DSTYK: variants seen among roughly 807,000 people sequenced by gnomAD.
DSTYK encodes the protein RIP-homologous kinase.
A neutral mutation model predicts 98.7 loss-of-function variants in DSTYK; 34 were observed. That is an observed-to-expected ratio of 0.34 (90% CI 0.26 to 0.46). The LOEUF is 0.46. Ranked by LOEUF, DSTYK falls within the 20% of genes least tolerant of loss-of-function variation. The pLI, the probability that DSTYK is intolerant of heterozygous loss-of-function variation, is 1.00. For synonymous variants in DSTYK, 462 were observed against 457.3 expected (o/e 1.01, Z -0.13); for missense variants, 962 against 1,181.7 (o/e 0.81, Z 2.73).
rs1265146439 is a variant in DSTYK at position 205,150,475 on chromosome 1, G to T, written c.2467+205C>A. ...TAACCGAGAGAGATGTCCAAATGGT[G>T]ATTCCCATTTGTACTTTTTCTTTCT... On this transcript the variant is annotated intron_variant, in intron 11 of 12. Transcript: ENST00000367162. This position sits in a 1 kb window ranked among gnomAD's most constrained non-coding sequence, Gnocchi z 4.1. Among the ~76,000 whole-genome samples, 3 of 152,112 alleles carry T rather than the reference G, an allele frequency of 2.0e-5. No individual in the cohort carries two copies. The highest frequency in any genetic ancestry group is 7.2e-5 in the African/African-American group (3 of 41,418).
At chr1:205,179,636 A>AG (rs1658337940) in intron 2 of DSTYK, among the ~76,000 whole-genome samples, 1 of 151,700 alleles carries the variant, frequency 6.6e-6, no homozygotes. Context: ...AAAAAAAAAA[A>AG]AGATAGACTA....
chr1:205,169,048 A>G lies in DSTYK; in HGVS notation c.1324+115T>C, dbSNP rs1657971772. ...GCTCCTGCTGGTAACAGTGGGGTGG[A>G]TGAAGTTACCCTGAGATTCCTTTAA... On this transcript the variant is annotated intron_variant, in intron 3 of 12. Coordinates refer to ENST00000367162, the MANE Select transcript of DSTYK (RefSeq NM_015375.3). The surrounding 1 kb of genome is among the most constrained non-coding windows in gnomAD (Gnocchi z 4.0). 2.2e-6 allele frequency: 2 copies of G among 922,760 alleles called. No homozygotes were observed. The highest frequency in any genetic ancestry group is 5.5e-5 in the Admixed American group (2 of 36,684). The allele number at this position is 922,760 out of a possible 1,614,324, so 57.2% of individuals were successfully genotyped here. A position where few individuals can be genotyped will look rare whatever the true frequency, so the allele number is the denominator to read the frequency against.
At chr1:205,195,792 C>T (rs1353389442) in intron 1 of DSTYK, among the ~76,000 whole-genome samples, 2 of 152,186 alleles carry the variant, frequency 1.3e-5, no homozygotes, top group African/African-American at 2.4e-5. Flanking sequence ...GCTGATACTC[C>T]CTGGGAGCCA....
At chr1:205,152,625 C>T (rs1657438487) in intron 10 of DSTYK, among the ~76,000 whole-genome samples, 1 of 152,066 alleles carries the variant, frequency 6.6e-6, no homozygotes, top group African/African-American at 2.4e-5. Flanking sequence ...TATCCCTTAT[C>T]TGAAAGGCTT....
chr1:205,162,381 G>A (rs1657754209), intron 5 of DSTYK, among the ~76,000 whole-genome samples, 169 bp from the exon 6 acceptor site: 1 of 152,160 alleles, frequency 6.6e-6, no homozygotes, highest in Non-Finnish European at 1.5e-5. Context: ...ACAAAATCAG[G>A]TCCTAGCCCA....
At chr1:205,157,497 G>C (rs1001629481) in intron 9 of DSTYK, 111 bp from the exon 10 acceptor site, 66 of 813,924 alleles carry the variant, frequency 8.1e-5, no homozygotes, top group Non-Finnish European at 1.2e-4. Flanking sequence ...GGGAAGAGCC[G>C]GGCACAGTGG....
chr1:205,188,787 C>T (rs888620213), intron 1 of DSTYK, among the ~76,000 whole-genome samples: 48 of 152,286 alleles, frequency 3.2e-4, no homozygotes, highest in African/African-American at 1.1e-3. Flanking sequence ...CTGGTGACAA[C>T]GTCCCAGCTG....
At chr1:205,192,363 C>T (rs1426317284) in intron 1 of DSTYK, among the ~76,000 whole-genome samples, 1 of 151,882 alleles carries the variant, frequency 6.6e-6, no homozygotes, top group African/African-American at 2.4e-5. Context: ...GAGCAACCCC[C>T]GCCGTGCCTT....
At chr1:205,151,020 C>A (rs1464370886) in intron 10 of DSTYK, among the ~76,000 whole-genome samples, 4 of 152,180 alleles carry the variant, frequency 2.6e-5, no homozygotes, top group Non-Finnish European at 1.5e-5. Flanking sequence ...TGCTACTAGG[C>A]TACAAACCTG....
chr1:205,183,080 G>GCACACACACACA (rs35209324), intron 2 of DSTYK, among the ~76,000 whole-genome samples: 14 of 88,794 alleles, frequency 1.6e-4, no homozygotes, highest in African/African-American at 4.3e-4. Flanking sequence ...AAAAAAAAAA[G>GCACACACACACA]CACACACACA....
intron 3 of DSTYK, among the ~76,000 whole-genome samples, chr1:205,168,795 T>G (rs1198113789): frequency 6.6e-6 from 1 of 152,204 alleles, no homozygotes; most frequent in African/African-American, 2.4e-5. Flanking sequence ...TAAAGAGGCA[T>G]GAGCCATACT....
At chr1:205,161,164 C>T (rs1267965164) in intron 7 of DSTYK, 94 bp downstream of exon 7, 1 of 1,482,712 alleles carries the variant, frequency 6.7e-7, no homozygotes. Flanking sequence ...TGCAAAGAAG[C>T]AGCTTTAGAC....
intron 2 of DSTYK, among the ~76,000 whole-genome samples, chr1:205,175,634 C>T (rs1471694425): frequency 6.6e-6 from 1 of 152,048 alleles, no homozygotes; most frequent in African/African-American, 2.4e-5. Context: ...TCATGCTTGA[C>T]GGTTATAAAC....
At position 205,211,548 on chromosome 1, in the gene DSTYK, CTCTG is replaced by C; in HGVS notation, c.-17_-14del. 1 of 1,498,148 alleles carries C rather than the reference CTCTG, an allele frequency of 6.7e-7. No individual in the cohort carries two copies. The highest frequency in any genetic ancestry group is 1.3e-5 in the South Asian group (1 of 75,454). 92.8% of individuals were successfully genotyped at this position (1,498,148 alleles called of 1,614,324 possible). On this transcript the variant is annotated 5_prime_UTR_variant, in exon 1 of 13. Transcript: ENST00000367162. ...CGTCGCCCTCCATCGCCTCTGCCCG[CTCTG>C]TCTTTGCGGCTCGGTCCCCGGCCGC...
chr1:205,184,347 C>A (rs756095460), intron 2 of DSTYK, among the ~76,000 whole-genome samples: 53 of 151,536 alleles, frequency 3.5e-4, no homozygotes, highest in Non-Finnish European at 4.7e-4. Context: ...GTGAGGGGGG[C>A]GGATCACTTG....
intron 2 of DSTYK, among the ~76,000 whole-genome samples, chr1:205,178,188 A>G (rs1408090264): frequency 6.6e-6 from 1 of 152,160 alleles, no homozygotes; most frequent in Non-Finnish European, 1.5e-5. Context: ...GAATATTTAT[A>G]ATCCCAAACA....
At chr1:205,148,363 G>A (rs376597666) in intron 11 of DSTYK, 24 bp from the exon 12 acceptor site, 5 of 1,611,446 alleles carry the variant, frequency 3.1e-6, no homozygotes, top group Non-Finnish European at 4.2e-6. Flanking sequence ...AGGATGAAAC[G>A]TAATGAGCCA....
At position 205,145,865 on chromosome 1, in the gene DSTYK, G is replaced by A. The variant is rs1657216118; in HGVS notation, c.*1693C>T. On this transcript the variant is annotated 3_prime_UTR_variant, in exon 13 of 13. Transcript: ENST00000367162. ...TTTCGGAATCTAATGGACCAGTTTG[G>A]TTGAGGAAGGCTTGAAGTCAAGTGC... 1 of 152,148 alleles carries A rather than the reference G, an allele frequency of 6.6e-6. No individual in the cohort carries two copies. Among genetic ancestry groups the A allele is most frequent in the African/African-American group, 2.4e-5 (1 of 41,424 alleles). The allele number at this position is 152,148 out of a possible 1,614,324, so 9.4% of individuals were successfully genotyped here.
At chr1:205,171,106 A>C (rs1295975059) in intron 2 of DSTYK, among the ~76,000 whole-genome samples, 3 of 151,874 alleles carry the variant, frequency 2.0e-5, no homozygotes, top group African/African-American at 7.3e-5. Flanking sequence ...GATCTGTTAC[A>C]ATTGAACCTA....
Sources: gnomAD v4.1 joint callset for allele counts (sites outside exome capture counted in the v4.1 genomes callset) on GRCh38, gnomAD v4.1.1 for gene constraint, Gnocchi (gnomAD v3.1) non-coding constraint, MANE v1.5 for transcripts, NCBI Gene and HGNC (gene_info 2026-07-23, HGNC 2026-07-21) for gene names.